ZNF277: variants seen among roughly 807,000 people sequenced by gnomAD.
ZNF277 encodes zinc finger protein 277, also known as nuclear receptor-interacting factor 4.
A neutral mutation model predicts 60.7 loss-of-function variants in ZNF277; 55 were observed. That is an observed-to-expected ratio of 0.91 (90% confidence interval 0.73 to 1.13). ZNF277 has a LOEUF of 1.13. Among genes scored for constraint, ZNF277 ranks in the 50% most tolerant of loss-of-function variants. The pLI, the probability that ZNF277 is intolerant of heterozygous loss-of-function variation, is 0.00. For missense variants in ZNF277, 510 were observed against 523.0 expected (o/e 0.98, Z 0.24); for synonymous variants, 178 against 179.3 (o/e 0.99, Z 0.06).
intron 1 of ZNF277, among the ~76,000 whole-genome samples, chr7:112,235,558 T>C (rs929881833): frequency 6.6e-6 from 1 of 152,126 alleles, no homozygotes; most frequent in Non-Finnish European, 1.5e-5. Context: ...TGTATAACTT[T>C]TGGGGAAAAT....
At chr7:112,219,071 T>C (rs941391302) in intron 1 of ZNF277, among the ~76,000 whole-genome samples, 2 of 152,236 alleles carry the variant, frequency 1.3e-5, no homozygotes, top group Non-Finnish European at 2.9e-5. Context: ...TATATTACTT[T>C]ACATTCCCAC....
rs539120846 is a variant in ZNF277 at position 112,207,433 on chromosome 7, T to C, written c.91+626T>C. ...GAGCCTGAGAGATCTTCCCAGTCTC[T>C]GGGTCCTTAGAGAAAGAAAAGGAAA... On this transcript the variant is annotated intron_variant, in intron 1 of 11. Transcript: ENST00000361822. 2.0e-5 allele frequency among the ~76,000 whole-genome samples: 3 copies of C among 152,328 alleles called. No individual in the cohort carries two copies. In the East Asian group the frequency reaches 5.8e-4, roughly 29 times the overall value.
At chr7:112,265,172 C>T (rs1481156442) in intron 1 of ZNF277, among the ~76,000 whole-genome samples, 1 of 152,170 alleles carries the variant, frequency 6.6e-6, no homozygotes, top group African/African-American at 2.4e-5. Flanking sequence ...CACAAAAGGC[C>T]TAGCTTTCAA....
At chr7:112,298,828 T>C (rs1441089907) in intron 4 of ZNF277, among the ~76,000 whole-genome samples, 3 of 152,172 alleles carry the variant, frequency 2.0e-5, no homozygotes, top group Non-Finnish European at 4.4e-5. Flanking sequence ...GAACACATAG[T>C]GAATGAGGTG....
intron 1 of ZNF277, among the ~76,000 whole-genome samples, chr7:112,231,719 A>G (rs1822336677): frequency 6.6e-6 from 1 of 150,390 alleles, no homozygotes; most frequent in Admixed American, 6.7e-5. Flanking sequence ...TCTCCCTTTT[A>G]TTTCTTAAAA....
chr7:112,342,397 C>CAA (rs1297800067), intron 11 of ZNF277, among the ~76,000 whole-genome samples, 164 bp from the exon 12 acceptor site: 4 of 152,144 alleles, frequency 2.6e-5, no homozygotes, highest in African/African-American at 9.7e-5. Flanking sequence ...CAGTAAAAGT[C>CAA]AAAGTGAAAG....
At chr7:112,251,341 A>G (rs1236171745) in intron 1 of ZNF277, among the ~76,000 whole-genome samples, 1 of 152,162 alleles carries the variant, frequency 6.6e-6, no homozygotes, top group Non-Finnish European at 1.5e-5. Flanking sequence ...CTTTAACCAA[A>G]AAGTTTCTGC....
At chr7:112,336,197 A>G (rs1793329980) in intron 8 of ZNF277, 26 bp downstream of exon 8, 1 of 1,589,526 alleles carries the variant, frequency 6.3e-7, no homozygotes, top group African/African-American at 1.4e-5. Flanking sequence ...GCTGCTAATT[A>G]ATTGCAGTGT....
chr7:112,333,152 T>TA (rs80295805), intron 7 of ZNF277, among the ~76,000 whole-genome samples: 7,001 of 145,572 alleles, frequency 0.048, 359 homozygotes, highest in African/African-American at 0.13. Flanking sequence ...ATACTTTATT[T>TA]AAAAAAAAAA....
chr7:112,286,842 T>TTTTTTTTTTTC, intron 1 of ZNF277, 31 bp from the exon 2 acceptor site: 1 of 68,670 alleles, frequency 1.5e-5, no homozygotes, highest in Non-Finnish European at 2.2e-5. Context: ...TCTTTCTTTC[T>TTTTTTTTTTTC]TTTTTTTTTT....
At chr7:112,276,405 A>G (rs1239272955) in intron 1 of ZNF277, among the ~76,000 whole-genome samples, 1 of 152,192 alleles carries the variant, frequency 6.6e-6, no homozygotes, top group Non-Finnish European at 1.5e-5. Context: ...AAACTGTCGG[A>G]TGACAAAAGA....
chr7:112,278,985 G>A (rs973290019), intron 1 of ZNF277, among the ~76,000 whole-genome samples: 13 of 152,010 alleles, frequency 8.6e-5, no homozygotes, highest in East Asian at 1.9e-4. Flanking sequence ...AAGTAGAATC[G>A]TGTAGTTCGT....
intron 1 of ZNF277, among the ~76,000 whole-genome samples, chr7:112,224,110 G>A (rs1001406242): frequency 5.3e-5 from 8 of 152,290 alleles, no homozygotes; most frequent in Middle Eastern, 3.4e-3. Context: ...AGAGAGATCT[G>A]GTAGCGGGTA....
At chr7:112,269,113 C>T (rs1584362109) in intron 1 of ZNF277, among the ~76,000 whole-genome samples, 1 of 152,004 alleles carries the variant, frequency 6.6e-6, no homozygotes, top group African/African-American at 2.4e-5. Flanking sequence ...AGTATAGAAC[C>T]ATATGGACAA....
intron 4 of ZNF277, among the ~76,000 whole-genome samples, chr7:112,305,777 G>A (rs17159446): frequency 0.13 from 19,117 of 151,856 alleles, 1,386 homozygotes; most frequent in South Asian, 0.16. Context: ...TTTAATTACC[G>A]ATGACTGATA....
chr7:112,244,982 GT>G (rs35831967), intron 1 of ZNF277, among the ~76,000 whole-genome samples: 1 of 151,722 alleles, frequency 6.6e-6, no homozygotes, highest in East Asian at 1.9e-4. Context: ...CACAAATCCT[GT>G]TTTTTTTCTA....
At chr7:112,338,257 C>T (rs1249659548) in intron 9 of ZNF277, among the ~76,000 whole-genome samples, 1 of 152,086 alleles carries the variant, frequency 6.6e-6, no homozygotes. Context: ...CTTCAGGTGC[C>T]AGGATTTAGA....
chr7:112,339,371 T>C (rs1293768012), intron 9 of ZNF277, among the ~76,000 whole-genome samples: 3 of 152,170 alleles, frequency 2.0e-5, no homozygotes, highest in Non-Finnish European at 2.9e-5. Flanking sequence ...CAGGCTGGAG[T>C]GCAGTGTCAC....
chr7:112,212,921 A>G (rs1433015614), intron 1 of ZNF277, among the ~76,000 whole-genome samples: 1 of 152,172 alleles, frequency 6.6e-6, no homozygotes, highest in African/African-American at 2.4e-5. Flanking sequence ...CTCAAGTAAC[A>G]TTGTATACTG....
Sources: gnomAD v4.1 joint callset for allele counts (sites outside exome capture counted in the v4.1 genomes callset) on GRCh38, gnomAD v4.1.1 for gene constraint, MANE v1.5 for transcripts, NCBI Gene and HGNC (gene_info 2026-07-23, HGNC 2026-07-21) for gene names.